The following DMD variants were observed in gnomAD, a reference collection of about 807,000 sequenced individuals.
The protein encoded by DMD is dystrophin, also known as mutant dystrophin.
In DMD, 63 loss-of-function variants were observed where a neutral mutation model predicts 330.1. The ratio of observed to expected loss-of-function variants is 0.19; its 90% CI spans 0.16 to 0.24. The LOEUF (loss-of-function observed/expected upper bound fraction) is 0.24. Among genes scored for constraint, DMD ranks in the 10% least tolerant of loss-of-function variants. The pLI, the probability that DMD is intolerant of heterozygous loss-of-function variation, is 1.00. For synonymous variants in DMD, 1,223 were observed against 959.8 expected (o/e 1.27, Z -5.07); for missense variants, 3,344 against 2,684.1 (o/e 1.25, Z -5.43).
At chrX:32,102,520 C>T (rs1310368288) in intron 44 of DMD, among the ~76,000 whole-genome samples, 1 of 110,675 alleles carries the variant, frequency 9.0e-6, no homozygotes, top group Non-Finnish European at 1.9e-5. Context: ...GGTTGTATAA[C>T]ACAGTTACTT....
At chrX:32,220,556 T>G (rs1457998689) in intron 43 of DMD, among the ~76,000 whole-genome samples, 5 of 111,542 alleles carry the variant, frequency 4.5e-5, no homozygotes, top group African/African-American at 1.6e-4. Context: ...ACAGTCTAAA[T>G]CTATTCTTGA....
At chrX:32,154,985 G>A in intron 44 of DMD, among the ~76,000 whole-genome samples, 1 of 110,888 alleles carries the variant, frequency 9.0e-6, no homozygotes, top group Non-Finnish European at 1.9e-5. Flanking sequence ...CAAATTGGCT[G>A]TAGGAAGACT....
In DMD at chrX:31,658,096, T is replaced by C. The variant is rs2080895011; in HGVS notation, c.7921A>G (p.Asn2641Asp). ...RQWQTNVDVA[N>D]DLALKLLRDY... ...CGGAGAAGTTTCAGGGCCAAGTCAT[T>C]TGCCACATCTACATTTGTCTGCCAC... Residue 2641 changes from asparagine (N) to aspartate (D), a missense_variant, in exon 54 of 79, where the codon AAT becomes GAT. Physicochemically the swap from Asn to Asp is conservative, Grantham distance 23. Coordinates refer to ENST00000357033, the MANE Select transcript of DMD (RefSeq NM_004006.3). The C allele has an allele frequency of 8.3e-7, 1 of 1,211,891 alleles. No homozygotes were observed. Among genetic ancestry groups the C allele is most frequent in the Non-Finnish European group, 1.1e-6 (1 of 895,408 alleles).
In DMD at chrX:32,382,055, T is replaced by C. The variant is rs192647769; in HGVS notation, c.4675-1375A>G. Among the ~76,000 whole-genome samples the C allele has an allele frequency of 1.9e-3, 209 of 111,169 alleles. 1 individual carries two copies. The highest frequency in any genetic ancestry group is 6.5e-3 in the African/African-American group (201 of 30,769). ...CAACAGTTTGAGAGAGCATGACATA[T>C]TGTACCACCTCAATCCCTTCCTTTA... is the stretch of plus-strand genomic sequence containing the variant. On this transcript the variant is annotated intron_variant, in intron 33 of 78. Transcript: ENST00000357033.
chrX:31,341,866 GGCGTGCGCGCGT>G (rs1268159996), intron 61 of DMD, among the ~76,000 whole-genome samples: 6 of 87,714 alleles, frequency 6.8e-5, no homozygotes, highest in African/African-American at 1.9e-4. Context: ...ACTGTGATCT[GGCGTGCGCGCGT>G]GCGTGCGCGC....
intron 60 of DMD, among the ~76,000 whole-genome samples, chrX:31,397,613 G>A (rs2061000774): frequency 8.9e-6 from 1 of 112,344 alleles, no homozygotes; most frequent in Admixed American, 9.4e-5. Flanking sequence ...ATGTAGCTTA[G>A]GCAAAATGCA....
intron 55 of DMD, among the ~76,000 whole-genome samples, chrX:31,600,952 G>A (rs1261053597): frequency 1.8e-5 from 2 of 110,237 alleles, no homozygotes; most frequent in African/African-American, 3.3e-5. Context: ...CCAATCCTGA[G>A]TATGTAGTGC....
At chrX:32,433,906 G>T (rs932669530) in intron 29 of DMD, among the ~76,000 whole-genome samples, 1 of 111,768 alleles carries the variant, frequency 8.9e-6, no homozygotes, top group South Asian at 3.8e-4. Flanking sequence ...ATATGATTTG[G>T]TACGTCTGTT....
chrX:31,427,459 G>A (rs1569541174), intron 60 of DMD, among the ~76,000 whole-genome samples: 1 of 111,794 alleles, frequency 8.9e-6, no homozygotes, highest in Non-Finnish European at 1.9e-5. Context: ...CCTGTGTCAT[G>A]TACATCTTTG....
chrX:32,372,638 T>A (rs2097883813), intron 34 of DMD, among the ~76,000 whole-genome samples: 2 of 111,585 alleles, frequency 1.8e-5, no homozygotes, highest in Admixed American at 1.9e-4. Flanking sequence ...CTAGCTAGGA[T>A]TGATCCATAT....
chrX:33,096,061 G>C (rs941923462), intron 1 of DMD, among the ~76,000 whole-genome samples: 1 of 87,258 alleles, frequency 1.1e-5, no homozygotes, highest in African/African-American at 4.4e-5. Flanking sequence ...TGCAACCTCC[G>C]CCTCTTGGGC....
chrX:32,314,449 A>G (rs1326096321), intron 41 of DMD, among the ~76,000 whole-genome samples: 1 of 111,860 alleles, frequency 8.9e-6, no homozygotes, highest in Non-Finnish European at 1.9e-5. Flanking sequence ...AAACTCTAGA[A>G]GAAAACCTAG....
At chrX:32,648,134 T>A in intron 9 of DMD, among the ~76,000 whole-genome samples, 1 of 111,978 alleles carries the variant, frequency 8.9e-6, no homozygotes, top group South Asian at 3.7e-4. Flanking sequence ...AAGAAAATAT[T>A]AAAAGGTGTA....
rs73188355 is a variant in DMD at position 32,966,729 on chromosome X, C to A, written c.93+53410G>T. Among the ~76,000 whole-genome samples, 1,521 of 111,500 alleles carry A rather than the reference C, an allele frequency of 0.014. 22 individuals carry two copies. In the South Asian group the frequency reaches 0.15, roughly 11 times the overall value. ...GAGCTGCAGCACCCGTGGAGGGAAA[C>A]CTCTGTCTAGATTATCATTAGCGTA... On this transcript the variant is annotated intron_variant, in intron 2 of 78. Coordinates refer to ENST00000357033, the MANE Select transcript of DMD (RefSeq NM_004006.3).
chrX:32,135,780 TACTTA>T (rs2096721820), intron 44 of DMD, among the ~76,000 whole-genome samples: 2 of 112,821 alleles, frequency 1.8e-5, no homozygotes, highest in South Asian at 7.3e-4. Flanking sequence ...CTAGCTCAAA[TACTTA>T]ACTTTAATTT....
chrX:33,028,778 T>C (rs1311305797), intron 1 of DMD, among the ~76,000 whole-genome samples: 2 of 109,974 alleles, frequency 1.8e-5, no homozygotes, highest in African/African-American at 6.7e-5. Context: ...ACTTTAACTG[T>C]ATGTGTATGG....
At chrX:32,889,721 C>G (rs1362270716) in intron 2 of DMD, among the ~76,000 whole-genome samples, 1 of 110,718 alleles carries the variant, frequency 9.0e-6, no homozygotes, top group South Asian at 3.9e-4. Context: ...CGCAAAACAT[C>G]GCTCCTAACT....
intron 9 of DMD, among the ~76,000 whole-genome samples, chrX:32,686,804 T>C (rs916183140): frequency 9.0e-6 from 1 of 111,141 alleles, no homozygotes; most frequent in East Asian, 2.8e-4. Context: ...TTAATGAATG[T>C]AGAAACTAGA....
At chrX:31,753,532 G>T (rs768659968) in intron 51 of DMD, among the ~76,000 whole-genome samples, 1 of 111,501 alleles carries the variant, frequency 9.0e-6, no homozygotes, top group African/African-American at 3.2e-5. Context: ...ATTATATCTA[G>T]ATTTTTTAAA....
Sources: allele counts gnomAD v4.1 joint callset (sites outside exome capture counted in the v4.1 genomes callset), GRCh38; gene constraint gnomAD v4.1.1; transcripts MANE v1.5; gene names NCBI Gene and HGNC (gene_info 2026-07-23, HGNC 2026-07-21).